ATP8A2: variants seen among roughly 807,000 people sequenced by gnomAD.
ATP8A2 encodes the protein ATPase phospholipid transporting 8A2.
ATP8A2 carries 100 observed loss-of-function variants against 165.6 expected under a neutral mutation model. The observed-to-expected ratio is 0.60, with a 90% CI of 0.51 to 0.71. ATP8A2 has a LOEUF of 0.71. ATP8A2 is among the 30% of genes least tolerant of loss of function. The pLI, the probability that ATP8A2 is intolerant of heterozygous loss-of-function variation, is 0.00. For synonymous variants in ATP8A2, 543 were observed against 548.8 expected, an observed-to-expected ratio of 0.99 and a Z score of 0.15; for missense variants, 1,227 against 1,479.5, an observed-to-expected ratio of 0.83 and a Z score of 2.80.
At chr13:25,895,644 C>A (rs1953516356) in intron 33 of ATP8A2, among the ~76,000 whole-genome samples, 1 of 152,180 alleles carries the variant, frequency 6.6e-6, no homozygotes, top group Non-Finnish European at 1.5e-5. Flanking sequence ...TAGAATTCGG[C>A]TGTGAATCCA....
intron 24 of ATP8A2, among the ~76,000 whole-genome samples, chr13:25,670,658 C>T (rs1311699248): frequency 6.6e-6 from 1 of 152,144 alleles, no homozygotes; most frequent in African/African-American, 2.4e-5. Context: ...CTGAAAGAGC[C>T]TCTTCTTTGA....
In ATP8A2 at chr13:25,442,531, AGC is replaced by A. The variant is rs573648588; in HGVS notation, c.77-26445_77-26444del. 2.6e-3 allele frequency among the ~76,000 whole-genome samples: 403 copies of A among 152,272 alleles called. 2 individuals carry two copies. The highest frequency in any genetic ancestry group is 8.9e-3 in the African/African-American group (369 of 41,532). ...TGGGCTCATGTGATCTCCCTGCCTC[AGC>A]CTCCTGAGTAGCTGGGACTATGGGT... On this transcript the variant is annotated intron_variant, in intron 1 of 36. Transcript: ENST00000381655.
intron 24 of ATP8A2, among the ~76,000 whole-genome samples, chr13:25,677,856 G>A (rs2042402885): frequency 1.3e-5 from 2 of 152,140 alleles, no homozygotes; most frequent in African/African-American, 4.8e-5. Flanking sequence ...GAATAGTGTG[G>A]ACTTCAGACT....
At position 25,589,711 on chromosome 13, in the gene ATP8A2, T is replaced by A; in HGVS notation, c.2211+12T>A. 6.4e-7 allele frequency: 1 copy of A among 1,561,398 alleles called. No individual in the cohort carries two copies. Among genetic ancestry groups the A allele is most frequent in the Non-Finnish European group, 8.8e-7 (1 of 1,133,528 alleles). On this transcript the variant is annotated intron_variant, in intron 24 of 36. Coordinates refer to ENST00000381655, the MANE Select transcript of ATP8A2 (RefSeq NM_016529.6). The stretch of plus-strand genomic sequence containing the variant: ...AGGACTCTTTGGATGTAAGTAGTTT[T>A]TCAAAGTTGTATTTGCTTTGCTATA...
chr13:25,904,259 T>C (rs963218629), intron 33 of ATP8A2, among the ~76,000 whole-genome samples: 2 of 152,172 alleles, frequency 1.3e-5, no homozygotes, highest in African/African-American at 4.8e-5. Context: ...ATCAGAAACC[T>C]TGGGGAGTCT....
chr13:25,968,774 G>T, intron 35 of ATP8A2, 95 bp downstream of exon 35: 1 of 990,274 alleles, frequency 1.0e-6, no homozygotes, highest in South Asian at 1.4e-5. Context: ...CTTGGTTTTC[G>T]ATGGGAGCAC....
At chr13:25,656,281 T>TC (rs2041925078) in intron 24 of ATP8A2, among the ~76,000 whole-genome samples, 1 of 150,300 alleles carries the variant, frequency 6.7e-6, no homozygotes, top group Non-Finnish European at 1.5e-5. Flanking sequence ...AGTTGGATTT[T>TC]TTTTTGTTTT....
chr13:25,963,744 T>G (rs1372209230), intron 34 of ATP8A2, among the ~76,000 whole-genome samples: 1 of 152,254 alleles, frequency 6.6e-6, no homozygotes, highest in East Asian at 1.9e-4. Context: ...GTTTATAGAT[T>G]ACAAAGTGTC....
At chr13:25,662,193 GTA>G (rs1470374430) in intron 24 of ATP8A2, among the ~76,000 whole-genome samples, 4 of 152,172 alleles carry the variant, frequency 2.6e-5, no homozygotes, top group African/African-American at 9.7e-5. Context: ...TTCTAGAAGA[GTA>G]CATAGCATAT....
At chr13:25,993,975 G>C (rs1956443643) in intron 35 of ATP8A2, among the ~76,000 whole-genome samples, 1 of 152,108 alleles carries the variant, frequency 6.6e-6, no homozygotes, top group East Asian at 1.9e-4. Flanking sequence ...AAAATGGTAA[G>C]TCTCTCCATT....
At chr13:25,559,500 C>G (rs2039079234) in intron 14 of ATP8A2, among the ~76,000 whole-genome samples, 1 of 152,188 alleles carries the variant, frequency 6.6e-6, no homozygotes, top group Non-Finnish European at 1.5e-5. Flanking sequence ...CCACTGCACT[C>G]TAGCCTGGGT....
chr13:25,551,653 T>C lies in ATP8A2; in HGVS notation c.1057+150T>C, dbSNP rs534805391. Reference sequence around the variant, plus strand: ...CCAGCCTTTCAAGGAGAATTGAGATTAGGATCATGTGATGAAATGAAGATG... The same window carrying C: ...CCAGCCTTTCAAGGAGAATTGAGATCAGGATCATGTGATGAAATGAAGATG... On this transcript the variant is annotated intron_variant, in intron 11 of 36. Coordinates refer to ENST00000381655, the MANE Select transcript of ATP8A2 (RefSeq NM_016529.6). 3.7e-4 allele frequency: 241 copies of C among 656,766 alleles called. 1 individual carries two copies. Among genetic ancestry groups the C allele is most frequent in the Middle Eastern group, 8.5e-4 (2 of 2,348 alleles). The allele number at this position is 656,766 out of a possible 1,614,324, so 40.7% of individuals were successfully genotyped here.
intron 25 of ATP8A2, among the ~76,000 whole-genome samples, chr13:25,752,548 T>C (rs1366966577): frequency 6.6e-6 from 1 of 152,138 alleles, no homozygotes; most frequent in African/African-American, 2.4e-5. Flanking sequence ...AGCAGGTCCT[T>C]GAGAGTGCAG....
intron 27 of ATP8A2, among the ~76,000 whole-genome samples, chr13:25,790,986 AC>A (rs1390237460): frequency 6.6e-6 from 1 of 152,170 alleles, no homozygotes; most frequent in Non-Finnish European, 1.5e-5. Context: ...TTTCCCAAAG[AC>A]CTAAAAACAG....
chr13:25,534,050 T>G (rs1442912900), intron 6 of ATP8A2: 2 of 444,846 alleles, frequency 4.5e-6, no homozygotes, highest in African/African-American at 4.1e-5. Flanking sequence ...GAAGTGGTTC[T>G]TCTTGCTAAA....
chr13:25,746,229 A>G (rs1738535122), intron 25 of ATP8A2, among the ~76,000 whole-genome samples: 1 of 152,180 alleles, frequency 6.6e-6, no homozygotes, highest in Admixed American at 6.5e-5. Context: ...CCACCCCCAA[A>G]AAACTCCCAA....
intron 25 of ATP8A2, among the ~76,000 whole-genome samples, chr13:25,708,904 TG>T (rs2043105419): frequency 6.6e-6 from 1 of 152,184 alleles, no homozygotes; most frequent in African/African-American, 2.4e-5. Context: ...AGCCTGTGCT[TG>T]GTTTGAGTTT....
At chr13:25,966,662 G>T (rs535727520) in intron 34 of ATP8A2, among the ~76,000 whole-genome samples, 2 of 152,156 alleles carry the variant, frequency 1.3e-5, no homozygotes, top group Admixed American at 1.3e-4. Flanking sequence ...GAATATGGGC[G>T]CAGTTTCATC....
intron 25 of ATP8A2, among the ~76,000 whole-genome samples, chr13:25,744,423 AC>A (rs1307640138): frequency 6.6e-6 from 1 of 152,006 alleles, no homozygotes; most frequent in Non-Finnish European, 1.5e-5. Context: ...GAAGTGGAAA[AC>A]TGTGCGTGTG....
Sources: allele counts gnomAD v4.1 joint callset (sites outside exome capture counted in the v4.1 genomes callset), GRCh38; gene constraint gnomAD v4.1.1; transcripts MANE v1.5; gene names NCBI Gene and HGNC (gene_info 2026-07-23, HGNC 2026-07-21).